KATNIP: variants seen among roughly 807,000 people sequenced by gnomAD.
KATNIP encodes katanin-interacting protein.
KATNIP carries 126 observed loss-of-function variants against 174.0 expected under a neutral mutation model. The observed-to-expected ratio is 0.72, with a 90% CI of 0.63 to 0.84. The LOEUF (loss-of-function observed/expected upper bound fraction) is 0.84. Ranked by LOEUF, KATNIP falls within the 40% of genes least tolerant of loss-of-function variation. The pLI is 0.00. For synonymous variants in KATNIP, 810 were observed against 835.7 expected, an observed-to-expected ratio of 0.97 and a Z score of 0.53; for missense variants, 1,958 against 2,109.7, an observed-to-expected ratio of 0.93 and a Z score of 1.41.
chr16:27,682,686 A>G (rs896466340), intron 8 of KATNIP, among the ~76,000 whole-genome samples: 2 of 152,166 alleles, frequency 1.3e-5, no homozygotes, highest in African/African-American at 2.4e-5. Flanking sequence ...ATGGGGGGCC[A>G]TGGCTTATCA....
intron 1 of KATNIP, among the ~76,000 whole-genome samples, 181 bp from the exon 2 acceptor site, chr16:27,573,720 T>G (rs1207858129): frequency 2.0e-5 from 3 of 152,202 alleles, no homozygotes; most frequent in Non-Finnish European, 4.4e-5. Flanking sequence ...CCATTTTCCT[T>G]GCCGTTGGTC....
intron 2 of KATNIP, among the ~76,000 whole-genome samples, chr16:27,588,759 G>T (rs945134474): frequency 6.6e-5 from 10 of 151,790 alleles, no homozygotes; most frequent in Admixed American, 5.3e-4. Context: ...AAGTTTGCAC[G>T]TTAAACAAAA....
intron 6 of KATNIP, among the ~76,000 whole-genome samples, chr16:27,665,545 C>T (rs1339929445): frequency 2.0e-5 from 3 of 152,002 alleles, no homozygotes. Context: ...ATTACCTGGT[C>T]TCAGGTATTT....
intron 2 of KATNIP, among the ~76,000 whole-genome samples, chr16:27,580,699 A>ATTTTT: frequency 7.6e-6 from 1 of 132,334 alleles, no homozygotes. Context: ...TTTCTTCTTG[A>ATTTTT]TTTTTTTTTT....
chr16:27,582,372 C>T (rs1567459163), intron 2 of KATNIP, among the ~76,000 whole-genome samples: 1 of 152,144 alleles, frequency 6.6e-6, no homozygotes, highest in East Asian at 1.9e-4. Flanking sequence ...TGCACTTTTA[C>T]GGGAATGAAA....
chr16:27,695,352 C>T (rs1446700596), intron 8 of KATNIP, among the ~76,000 whole-genome samples: 2 of 152,242 alleles, frequency 1.3e-5, no homozygotes, highest in Non-Finnish European at 2.9e-5. Context: ...CAATCCCTTT[C>T]AGGCCTTCTG....
intron 13 of KATNIP, among the ~76,000 whole-genome samples, chr16:27,717,580 A>G (rs531569842): frequency 6.6e-6 from 1 of 151,820 alleles, no homozygotes; most frequent in Non-Finnish European, 1.5e-5. Context: ...GTTCCCTTGC[A>G]CATGCCCCGG....
chr16:27,687,696 A>C (rs2078573684), intron 8 of KATNIP, among the ~76,000 whole-genome samples: 1 of 152,234 alleles, frequency 6.6e-6, no homozygotes, highest in African/African-American at 2.4e-5. Context: ...TAATGCAGAA[A>C]GTTTACTGTC....
intron 18 of KATNIP, 134 bp downstream of exon 18, chr16:27,754,385 G>A (rs1052799445): frequency 1.1e-5 from 8 of 732,916 alleles, no homozygotes; most frequent in Non-Finnish European, 1.8e-5. Context: ...CCAGGCCATG[G>A]GGCAAGTGGA....
In KATNIP at chr16:27,728,379, C is replaced by T. The variant is rs115960189; in HGVS notation, c.1743+6684C>T. The stretch of plus-strand genomic sequence containing the variant: ...AGTTCCAAGAGGGTCAGCTTTAAAG[C>T]GGGTCCCCAGCCAGCAGGGGAAGGA... On this transcript the variant is annotated intron_variant, in intron 14 of 27. Transcript: ENST00000261588. Among the ~76,000 whole-genome samples the T allele has an allele frequency of 1.1e-3, 173 of 152,328 alleles. 2 individuals are homozygous for T. The highest frequency in any genetic ancestry group is 4.0e-3 in the African/African-American group (165 of 41,572).
At chr16:27,635,721 C>T (rs1027622967) in intron 5 of KATNIP, among the ~76,000 whole-genome samples, 2 of 152,054 alleles carry the variant, frequency 1.3e-5, no homozygotes, top group African/African-American at 4.8e-5. Flanking sequence ...ACATGGATGG[C>T]GGGCCTGGCG....
intron 10 of KATNIP, 61 bp downstream of exon 10, chr16:27,699,660 C>T: frequency 6.2e-7 from 1 of 1,607,992 alleles, no homozygotes; most frequent in Non-Finnish European, 8.5e-7. Context: ...CCCGATGGTG[C>T]CAGGCAGAGA....
intron 12 of KATNIP, among the ~76,000 whole-genome samples, chr16:27,706,042 AAAAATGACAGACTCTTCTCATTG>A (rs2079288613): frequency 6.6e-6 from 1 of 152,186 alleles, no homozygotes; most frequent in Non-Finnish European, 1.5e-5. Flanking sequence ...CAAAGAGCAG[AAAAATGACAGACTCTTCTCATTG>A]AAAATGACAC....
At chr16:27,708,526 T>C in intron 12 of KATNIP, 179 bp from the exon 13 acceptor site, 1 of 562,070 alleles carries the variant, frequency 1.8e-6, no homozygotes, top group Middle Eastern at 4.6e-4. Flanking sequence ...ACAGTATGAA[T>C]TCATTTAATC....
chr16:27,629,837 G>A (rs996429855), intron 4 of KATNIP, among the ~76,000 whole-genome samples: 2 of 152,148 alleles, frequency 1.3e-5, no homozygotes, highest in Admixed American at 6.6e-5. Flanking sequence ...AACATAGTGA[G>A]ACCCTGTATC....
At chr16:27,732,576 CAGA>C (rs2080735612) in intron 14 of KATNIP, among the ~76,000 whole-genome samples, 2 of 152,200 alleles carry the variant, frequency 1.3e-5, no homozygotes, top group Non-Finnish European at 2.9e-5. Context: ...CCCGAAACCT[CAGA>C]AGAAGACTCA....
chr16:27,552,159 A>C (rs1567426668), intron 1 of KATNIP, among the ~76,000 whole-genome samples: 1 of 152,208 alleles, frequency 6.6e-6, no homozygotes, highest in East Asian at 1.9e-4. Flanking sequence ...TGTTTTTTCA[A>C]GTTTATTCAA....
intron 15 of KATNIP, 52 bp downstream of exon 15, chr16:27,740,972 A>C (rs746815884): frequency 6.8e-7 from 1 of 1,477,142 alleles, no homozygotes; most frequent in Non-Finnish European, 9.0e-7. Context: ...AGCCCCTCTA[A>C]TTGGCATGAA....
intron 18 of KATNIP, among the ~76,000 whole-genome samples, chr16:27,759,061 A>G (rs543006110): frequency 6.6e-5 from 10 of 152,238 alleles, no homozygotes; most frequent in Non-Finnish European, 1.0e-4. Context: ...TTACTTGCAG[A>G]TATCTACTGA....
Sources: allele counts gnomAD v4.1 joint callset (sites outside exome capture counted in the v4.1 genomes callset), GRCh38; gene constraint gnomAD v4.1.1; transcripts MANE v1.5; gene names NCBI Gene and HGNC (gene_info 2026-07-23, HGNC 2026-07-21).